FGD4: variants seen among roughly 807,000 people sequenced by gnomAD.
The protein encoded by FGD4 is FYVE, RhoGEF and PH domain containing 4, also known as FYVE, RhoGEF and PH domain-containing protein 4.
A neutral mutation model predicts 102.0 loss-of-function variants in FGD4; 42 were observed. The observed-to-expected ratio is 0.41, with a 90% CI of 0.32 to 0.53. FGD4 has a LOEUF of 0.53. Among genes scored for constraint, FGD4 ranks in the 20% least tolerant of loss-of-function variants. The pLI is 0.21. For synonymous variants in FGD4, 380 were observed against 375.7 expected, an observed-to-expected ratio of 1.01 and a Z score of -0.13; for missense variants, 902 against 1,078.2, an observed-to-expected ratio of 0.84 and a Z score of 2.29.
chr12:32,458,561 G>A (rs1232123323), intron 1 of FGD4, among the ~76,000 whole-genome samples: 2 of 152,088 alleles, frequency 1.3e-5, no homozygotes, highest in South Asian at 4.1e-4. Flanking sequence ...GAACTTAGCT[G>A]GTAAATCAAT....
intron 1 of FGD4, among the ~76,000 whole-genome samples, chr12:32,402,937 T>A (rs374153787): frequency 1.3e-5 from 2 of 152,260 alleles, no homozygotes; most frequent in Admixed American, 6.5e-5. Context: ...GCCTCCCTAT[T>A]AGTTCAATAG....
intron 1 of FGD4, among the ~76,000 whole-genome samples, chr12:32,542,146 C>A (rs1942890496): frequency 8.7e-6 from 1 of 114,994 alleles, no homozygotes; most frequent in Non-Finnish European, 1.7e-5. Context: ...TGCCGTGAAG[C>A]AAAATACAGG....
intron 1 of FGD4, among the ~76,000 whole-genome samples, chr12:32,503,308 C>A (rs1938395157): frequency 1.3e-5 from 2 of 152,136 alleles, no homozygotes; most frequent in South Asian, 4.1e-4. Context: ...GCAAGGAAAG[C>A]CTTGGCTCAT....
At position 32,645,289 on chromosome 12, in the gene FGD4, A is replaced by G. The variant is rs763037960; in HGVS notation, c.*4756A>G. 18 of 152,056 alleles carry G rather than the reference A, an allele frequency of 1.2e-4. No homozygotes were observed. Among genetic ancestry groups the G allele is most frequent in the Non-Finnish European group, 2.2e-4 (15 of 68,006 alleles). 9.4% of individuals were successfully genotyped at this position (152,056 alleles called of 1,614,324 possible). ...AAAACAGTCATGTCTGTCTGTATAT[A>G]AGACTTTTTTTTTTTTAACCAAACT... On this transcript the variant is annotated 3_prime_UTR_variant, in exon 17 of 17. Transcript: ENST00000534526.
rs1321399547 is a variant in FGD4 at position 32,475,605 on chromosome 12, C to G, written c.166+75646C>G. Among the ~76,000 whole-genome samples the G allele has an allele frequency of 2.0e-5, 3 of 152,206 alleles. No homozygotes were observed. In the East Asian group the frequency reaches 5.8e-4, roughly 29 times the overall value. The stretch of plus-strand genomic sequence containing the variant: ...TTACAGTTGAAGTCTCCATCCCAGA[C>G]TTTCTAGATGAAAAACTGTGATGAT... On this transcript the variant is annotated intron_variant, in intron 1 of 16. Coordinates refer to ENST00000534526, the MANE Select transcript of FGD4 (RefSeq NM_001370298.3).
At chr12:32,602,071 T>TGG in intron 6 of FGD4, 90 bp from the exon 7 acceptor site, 1 of 1,169,814 alleles carries the variant, frequency 8.5e-7, no homozygotes, top group Non-Finnish European at 1.3e-6. Context: ...GCTGTGATAA[T>TGG]GCCACTGCAC....
chr12:32,577,962 CTCA>C (rs144310292), intron 3 of FGD4, among the ~76,000 whole-genome samples: 1,570 of 152,286 alleles, frequency 0.01, 27 homozygotes, highest in African/African-American at 0.036. Flanking sequence ...GCTGCGTCCT[CTCA>C]TCCTCTCCAT....
At position 32,570,240 on chromosome 12, in the gene FGD4, C is replaced by CAAAA. The variant is rs150913094; in HGVS notation, c.319+5970_319+5973dup. On this transcript the variant is annotated intron_variant, in intron 2 of 16. Transcript: ENST00000534526. ...TGGGCGATGGGGCAAGACGCTGTCT[C>CAAAA]AAAAAAAAAAAAAAAAAAAAAAGAA... Among the ~76,000 whole-genome samples the CAAAA allele has an allele frequency of 6.3e-3, 422 of 67,430 alleles. 5 individuals are homozygous for CAAAA. Among genetic ancestry groups the CAAAA allele is most frequent in the East Asian group, 0.032 (59 of 1,828 alleles). 44.2% of individuals were successfully genotyped at this position (67,430 alleles called of 152,430 possible).
intron 1 of FGD4, among the ~76,000 whole-genome samples, chr12:32,408,236 T>C (rs1192805831): frequency 6.7e-6 from 1 of 149,944 alleles, no homozygotes; most frequent in Non-Finnish European, 1.5e-5. Context: ...TGGTGCAATC[T>C]CGGCTCACTG....
chr12:32,614,823 G>T (rs1348588822), intron 10 of FGD4, among the ~76,000 whole-genome samples: 1 of 152,178 alleles, frequency 6.6e-6, no homozygotes, highest in Non-Finnish European at 1.5e-5. Flanking sequence ...TGCTATCATT[G>T]ATTACAAAAT....
chr12:32,620,523 T>TCTTTCTTTC (rs559903911), intron 11 of FGD4, among the ~76,000 whole-genome samples: 1,976 of 63,634 alleles, frequency 0.031, 111 homozygotes, highest in African/African-American at 0.14. Context: ...TTTCTTTCTT[T>TCTTTCTTTC]TTTTTTTTTT....
In FGD4 at chr12:32,641,404, A is replaced by G. The variant is rs964412624; in HGVS notation, c.*871A>G. On this transcript the variant is annotated 3_prime_UTR_variant, in exon 17 of 17. Transcript: ENST00000534526. ...AGTACCATTTTTTGTTTCTGTGCCTATTTAAAACAGTGCCTCTCTTAGAAG... is the reference window on the plus strand; with the variant it reads ...AGTACCATTTTTTGTTTCTGTGCCTGTTTAAAACAGTGCCTCTCTTAGAAG... The G allele has an allele frequency of 1.3e-5, 2 of 152,262 alleles. No homozygotes were observed. The highest frequency in any genetic ancestry group is 2.1e-4 in the South Asian group (1 of 4,824). 9.4% of individuals were successfully genotyped at this position (152,262 alleles called of 1,614,324 possible). A position where few individuals can be genotyped will look rare whatever the true frequency, so the allele number is the denominator to read the frequency against.
At chr12:32,551,747 A>G (rs1383472573) in intron 1 of FGD4, among the ~76,000 whole-genome samples, 1 of 152,226 alleles carries the variant, frequency 6.6e-6, no homozygotes, top group African/African-American at 2.4e-5. Context: ...TCATACCAGA[A>G]AAATATACCA....
intron 1 of FGD4, among the ~76,000 whole-genome samples, chr12:32,516,381 C>T (rs1173373540): frequency 1.3e-5 from 2 of 152,030 alleles, no homozygotes; most frequent in Non-Finnish European, 2.9e-5. Context: ...CAGGCCCAAG[C>T]GATTCTCTTA....
chr12:32,543,102 TC>T (rs1242291409), intron 1 of FGD4, among the ~76,000 whole-genome samples: 1 of 152,198 alleles, frequency 6.6e-6, no homozygotes, highest in Non-Finnish European at 1.5e-5. Flanking sequence ...TCCCATGAAC[TC>T]CTCATCAGAT....
chr12:32,623,961 C>T (rs1173809626), intron 11 of FGD4, among the ~76,000 whole-genome samples: 1 of 151,996 alleles, frequency 6.6e-6, no homozygotes, highest in African/African-American at 2.4e-5. Context: ...AATTGTTTAT[C>T]AAAGGAAATG....
chr12:32,450,498 T>C (rs549396656), intron 1 of FGD4, among the ~76,000 whole-genome samples: 2 of 152,340 alleles, frequency 1.3e-5, no homozygotes, highest in African/African-American at 4.8e-5. Context: ...CAAGTTCTTA[T>C]AATTCTTTGA....
In FGD4 at chr12:32,614,661, G is replaced by A. The variant is rs374576454; in HGVS notation, c.1749+3378G>A. 2.4e-4 allele frequency among the ~76,000 whole-genome samples: 36 copies of A among 152,230 alleles called. 2 individuals are homozygous for A. The highest frequency in any genetic ancestry group is 5.2e-4 in the Admixed American group (8 of 15,296). On this transcript the variant is annotated intron_variant, in intron 10 of 16. Coordinates refer to ENST00000534526, the MANE Select transcript of FGD4 (RefSeq NM_001370298.3). Reference sequence around the variant, plus strand: ...GAGTTTTGACAGAGAATCATTAAGCGTACACCTTACAGTCCTCTGACTTCT... The same window carrying A: ...GAGTTTTGACAGAGAATCATTAAGCATACACCTTACAGTCCTCTGACTTCT...
At chr12:32,447,471 G>C (rs183993308) in intron 1 of FGD4, among the ~76,000 whole-genome samples, 92 of 152,114 alleles carry the variant, frequency 6.0e-4, no homozygotes, top group Non-Finnish European at 1.2e-4. Context: ...AACCTTTCCA[G>C]AGTTAAAATT....
Sources: gnomAD v4.1 joint callset for allele counts (sites outside exome capture counted in the v4.1 genomes callset) on GRCh38, gnomAD v4.1.1 for gene constraint, MANE v1.5 for transcripts, NCBI Gene and HGNC (gene_info 2026-07-23, HGNC 2026-07-21) for gene names.